GREB1: variants seen among roughly 807,000 people sequenced by gnomAD.
GREB1 encodes protein GREB1.
In GREB1, 106 loss-of-function variants were observed where a neutral mutation model predicts 200.7. That is an observed-to-expected ratio of 0.53 (90% CI 0.45 to 0.62). GREB1 has a LOEUF of 0.62. GREB1 is among the 20% of genes least tolerant of loss of function. The pLI, the probability that GREB1 is intolerant of heterozygous loss-of-function variation, is 0.00. For missense variants in GREB1, 2,243 were observed against 2,556.8 expected, an observed-to-expected ratio of 0.88 and a Z score of 2.65; for synonymous variants, 1,132 against 1,092.4, an observed-to-expected ratio of 1.04 and a Z score of -0.72.
intron 1 of GREB1, among the ~76,000 whole-genome samples, chr2:11,512,545 T>A (rs1056518341): frequency 6.6e-6 from 1 of 152,160 alleles, no homozygotes; most frequent in Non-Finnish European, 1.5e-5. Flanking sequence ...AAAAAATGAC[T>A]TGTGTGTGTT....
In GREB1 at chr2:11,578,340, C is replaced by T. The variant is rs1245351816; in HGVS notation, c.681C>T (p.Ser227=). The T allele has an allele frequency of 6.2e-7, 1 of 1,614,134 alleles. No individual in the cohort carries two copies. The highest frequency in any genetic ancestry group is 8.5e-7 in the Non-Finnish European group (1 of 1,180,002). The stretch of plus-strand genomic sequence containing the variant: ...TCCCCGCCAGTACTTGTTCCAGTTC[C>T]CTCTTCCCAGCCCTGGAGAGCACGG... ...RQIPASTCSS[S]LFPALESTAA... Residue 227 remains serine (S), a synonymous_variant, in exon 6 of 33, where the codon TCC becomes TCT. Coordinates refer to ENST00000381486, the MANE Select transcript of GREB1 (RefSeq NM_014668.4).
At position 11,576,401 on chromosome 2, in the gene GREB1, T is replaced by C; in HGVS notation, c.503T>C (p.Phe168Ser). The change falls in exon 5 of 33, where the codon TTC (phenylalanine) becomes TCC (serine). Residue 168 changes from phenylalanine to serine, a missense_variant. Coordinates refer to ENST00000381486, the MANE Select transcript of GREB1 (RefSeq NM_014668.4). The stretch of plus-strand genomic sequence containing the variant: ...TGTGGAAAGAAAGGCTTCTGTTACT[T>C]CACGGAATTCTCCAATCATATAAAT... ...VGCGKKGFCY[F>S]TEFSNHINLK... 1 of 1,614,036 alleles carries C rather than the reference T, an allele frequency of 6.2e-7. No individual in the cohort carries two copies. The highest frequency in any genetic ancestry group is 8.5e-7 in the Non-Finnish European group (1 of 1,179,922).
chr2:11,618,803 C>G lies in GREB1; in HGVS notation c.3928C>G (p.Leu1310Val), dbSNP rs896806887. Residue 1310 changes from leucine (L) to valine (V), a missense_variant, in exon 22 of 33, where the codon CTC becomes GTC. Around this residue, in one of 3 missense-constraint regions of GREB1, gnomAD observed 587 missense variants for 553.1 expected, o/e 1.06. Transcript: ENST00000381486. The part of the protein sequence containing the change: ...SKTMTSTEQS[L>V]YYRQWTVPRP... ...GACCATGACATCCACCGAGCAGTCC[C>G]TCTACTACCGGCAGTGGACGGTGCC... The G allele has an allele frequency of 5.6e-6, 9 of 1,609,646 alleles. No individual in the cohort carries two copies. Among genetic ancestry groups the G allele is most frequent in the Non-Finnish European group, 6.8e-6 (8 of 1,179,822 alleles).
At chr2:11,604,013 C>A (rs1682018008) in intron 17 of GREB1, among the ~76,000 whole-genome samples, 1 of 152,192 alleles carries the variant, frequency 6.6e-6, no homozygotes, top group African/African-American at 2.4e-5. Context: ...GCTCCAAAAC[C>A]ACGTAGCCAC....
rs929665330 is a variant in GREB1 at position 11,588,886 on chromosome 2, G to A, written c.1300G>A (p.Glu434Lys). The A allele has an allele frequency of 3.1e-6, 5 of 1,613,832 alleles. No homozygotes were observed. In the South Asian group the frequency reaches 3.3e-5, roughly 11 times the overall value. The change falls in exon 10 of 33, where the codon GAG (glutamate) becomes AAG (lysine). Residue 434 changes from glutamate to lysine, a missense_variant. Around this residue, in one of 3 missense-constraint regions of GREB1, gnomAD observed 1,178 missense variants for 1,387.4 expected, o/e 0.85. Transcript: ENST00000381486. Reference protein sequence around the residue: ...YGASAIQPISEEMQLLLTVYY... With the variant: ...YGASAIQPISKEMQLLLTVYY... ...CGCCTCTGCCATCCAGCCCATCTCC[G>A]AGGAGATGCAGCTCCTGCTTACCGT...
Position 11,607,430 on chromosome 2 carries a change from GT to G in GREB1, c.2667-3257del, listed in dbSNP as rs1558624435. ...TGCCAATTTCATCCAGTATATGTAT[GT>G]GTGTGTGTGTGTGTGTGTGTGTGTG... On this transcript the variant is annotated intron_variant, in intron 17 of 32. Coordinates refer to ENST00000381486, the MANE Select transcript of GREB1 (RefSeq NM_014668.4). Among the ~76,000 whole-genome samples, 3 of 19,466 alleles carry G rather than the reference GT, an allele frequency of 1.5e-4. No individual in the cohort carries two copies. The Admixed American group carries it at 2.8e-3, about 18-fold the overall frequency. 12.8% of individuals were successfully genotyped at this position (19,466 alleles called of 152,430 possible).
chr2:11,634,772 C>T (rs1685173762), intron 29 of GREB1, among the ~76,000 whole-genome samples: 1 of 152,190 alleles, frequency 6.6e-6, no homozygotes, highest in Non-Finnish European at 1.5e-5. Flanking sequence ...GCGTGAGCCT[C>T]TCAAAGAGGG....
intron 1 of GREB1, among the ~76,000 whole-genome samples, chr2:11,543,943 G>A (rs1384878594): frequency 6.6e-6 from 1 of 152,138 alleles, no homozygotes; most frequent in Non-Finnish European, 1.5e-5. Context: ...GGCAGTACAC[G>A]GAAGCTGTGG....
intron 1 of GREB1, among the ~76,000 whole-genome samples, chr2:11,520,029 G>A (rs143591505): frequency 3.9e-5 from 6 of 151,986 alleles, no homozygotes; most frequent in Non-Finnish European, 8.8e-5. Flanking sequence ...TCCCAGCTAC[G>A]CAAGAGGCTG....
intron 1 of GREB1, among the ~76,000 whole-genome samples, chr2:11,526,397 A>G (rs1018316388): frequency 2.6e-5 from 4 of 152,170 alleles, no homozygotes; most frequent in Admixed American, 1.3e-4. Flanking sequence ...GATCTTGGTT[A>G]CTTAATATCT....
intron 1 of GREB1, among the ~76,000 whole-genome samples, chr2:11,544,745 C>G (rs1000832508): frequency 2.2e-4 from 34 of 152,264 alleles, no homozygotes; most frequent in Non-Finnish European, 1.3e-4. Context: ...GTCCTGCCCC[C>G]CTGTTTGCCT....
At chr2:11,516,311 GGTGTGT>G (rs60141733) in intron 1 of GREB1, among the ~76,000 whole-genome samples, 91 of 143,952 alleles carry the variant, frequency 6.3e-4, no homozygotes, top group African/African-American at 1.0e-3. Context: ...TTTTCCTGCA[GGTGTGT>G]GTGTGTGTGT....
rs1439669165 is a variant in GREB1, at chr2:11,600,900, A to G, written c.2434A>G (p.Thr812Ala). Residue 812 changes from threonine (T) to alanine (A), a missense_variant, in exon 16 of 33, where the codon ACA becomes GCA. Coordinates refer to ENST00000381486, the MANE Select transcript of GREB1 (RefSeq NM_014668.4). ...GGTGAAGGAGGCCCCCAACATTGTGACACTTCACGTGACCTCCTTCCCGTA... is the reference window on the plus strand; with the variant it reads ...GGTGAAGGAGGCCCCCAACATTGTGGCACTTCACGTGACCTCCTTCCCGTA... ...REVKEAPNIVTLHVTSFPYAL... is the reference protein window; with the variant it reads ...REVKEAPNIVALHVTSFPYAL... The G allele has an allele frequency of 6.2e-7, 1 of 1,614,110 alleles. No individual in the cohort carries two copies. Among genetic ancestry groups the G allele is most frequent in the Non-Finnish European group, 8.5e-7 (1 of 1,180,012 alleles).
chr2:11,623,469 G>C (rs975552684), intron 23 of GREB1, among the ~76,000 whole-genome samples: 4 of 152,244 alleles, frequency 2.6e-5, no homozygotes, highest in Non-Finnish European at 4.4e-5. Context: ...ACAGCTCCAT[G>C]AGTGTTGCTG....
At chr2:11,511,677 C>G (rs1673355895) in intron 1 of GREB1, among the ~76,000 whole-genome samples, 1 of 152,170 alleles carries the variant, frequency 6.6e-6, no homozygotes, top group Non-Finnish European at 1.5e-5. Flanking sequence ...TCCAGGAACT[C>G]GCCTGCTGCT....
chr2:11,601,058 A>G (rs888618863), intron 16 of GREB1, 63 bp downstream of exon 16: 4 of 1,379,218 alleles, frequency 2.9e-6, no homozygotes, highest in Non-Finnish European at 4.0e-6. Context: ...CAGAAATTAC[A>G]TTTAGTAACA....
intron 17 of GREB1, among the ~76,000 whole-genome samples, chr2:11,608,991 G>C (rs1682662737): frequency 6.6e-6 from 1 of 152,098 alleles, no homozygotes; most frequent in Admixed American, 6.5e-5. Context: ...GTACATCCCA[G>C]AAACTGTAGG....
intron 17 of GREB1, among the ~76,000 whole-genome samples, chr2:11,608,441 G>T (rs558638629): frequency 6.6e-6 from 1 of 152,196 alleles, no homozygotes; most frequent in African/African-American, 2.4e-5. Context: ...TACATGTCTG[G>T]TAATTTTTGA....
At chr2:11,545,061 C>T (rs912356327) in intron 1 of GREB1, among the ~76,000 whole-genome samples, 8 of 150,634 alleles carry the variant, frequency 5.3e-5, no homozygotes, top group Non-Finnish European at 1.0e-4. Flanking sequence ...GTGATCCACT[C>T]GCCTCGGCCT....
Sources: allele counts gnomAD v4.1 joint callset (sites outside exome capture counted in the v4.1 genomes callset), GRCh38; gene constraint gnomAD v4.1.1; regional missense constraint gnomAD v4.1.1; transcripts MANE v1.5; gene names NCBI Gene and HGNC (gene_info 2026-07-23, HGNC 2026-07-21).